Variants in PCDHGB3 observed in about 807,000 individuals in gnomAD.
PCDHGB3 encodes protocadherin gamma subfamily B, 3, also known as protocadherin gamma-B3.
Under a neutral mutation model 59.2 loss-of-function variants are expected in PCDHGB3, and 40 were observed. The observed-to-expected ratio is 0.68, with a 90% CI of 0.52 to 0.88. The LOEUF is 0.88. Ranked by LOEUF, PCDHGB3 falls within the 40% of genes least tolerant of loss-of-function variation. The pLI is 0.00. For missense variants in PCDHGB3, 1,309 were observed against 1,187.9 expected, an observed-to-expected ratio of 1.10 and a Z score of -1.50; for synonymous variants, 581 against 503.6, an observed-to-expected ratio of 1.15 and a Z score of -2.06.
chr5:141,465,689 C>A (rs2099107540), intron 1 of PCDHGB3, among the ~76,000 whole-genome samples: 1 of 152,162 alleles, frequency 6.6e-6, no homozygotes, highest in African/African-American at 2.4e-5. Context: ...GACCAGTCTG[C>A]TTTTGCATTG....
At chr5:141,510,062 G>GA (rs1448334820) in intron 3 of PCDHGB3, among the ~76,000 whole-genome samples, 1 of 152,150 alleles carries the variant, frequency 6.6e-6, no homozygotes. Flanking sequence ...TTGTGCATGT[G>GA]AAGCATCCAG....
At chr5:141,381,826 CTT>C (rs770630741) in intron 1 of PCDHGB3, among the ~76,000 whole-genome samples, 2,382 of 74,222 alleles carry the variant, frequency 0.032, 21 homozygotes, top group African/African-American at 0.07. Context: ...CTTTCTTCTT[CTT>C]TTTTTTTTTT....
chr5:141,410,435 G>C (rs772158163), intron 1 of PCDHGB3: 5 of 1,614,054 alleles, frequency 3.1e-6, no homozygotes, highest in Non-Finnish European at 4.2e-6. Flanking sequence ...CAACTACAGT[G>C]AGGGGACTTT....
rs558609501 is a variant in PCDHGB3, at chr5:141,487,648, G to C, written c.2416-7159G>C. On this transcript the variant is annotated intron_variant, in intron 1 of 3. Coordinates refer to ENST00000576222, the MANE Select transcript of PCDHGB3 (RefSeq NM_018924.5). This position sits in a 1 kb window ranked among gnomAD's most constrained non-coding sequence, Gnocchi z 5.0. ...CTTTGCAGGCTCAACAAATGCTTGA[G>C]GGTTATTCTGATCCAGGCATATGGC... is the stretch of plus-strand genomic sequence containing the variant. 34 of 1,613,904 alleles carry C rather than the reference G, an allele frequency of 2.1e-5. 1 individual carries two copies. The South Asian group carries it at 3.6e-4, about 17-fold the overall frequency.
rs558074504 is a variant in PCDHGB3, at chr5:141,489,065, C to G, written c.2416-5742C>G. On this transcript the variant is annotated intron_variant, in intron 1 of 3. Coordinates refer to ENST00000576222, the MANE Select transcript of PCDHGB3 (RefSeq NM_018924.5). This position sits in a 1 kb window ranked among gnomAD's most constrained non-coding sequence, Gnocchi z 4.5. ...CCACTCAAATTCAGCTCCCCTCCCC[C>G]CTGCCCACCCCCGCCACTCGGTGAC... is the stretch of plus-strand genomic sequence containing the variant. The G allele has an allele frequency of 1.5e-4, 57 of 389,046 alleles. No homozygotes were observed. Among genetic ancestry groups the G allele is most frequent in the African/African-American group, 8.5e-4 (40 of 47,278 alleles). 24.1% of individuals were successfully genotyped at this position (389,046 alleles called of 1,614,324 possible).
intron 1 of PCDHGB3, chr5:141,409,995 CG>C: frequency 1.2e-6 from 2 of 1,613,308 alleles, no homozygotes; most frequent in Non-Finnish European, 1.7e-6. Context: ...GACGCCGACT[CG>C]GGACACAACG....
intron 1 of PCDHGB3, among the ~76,000 whole-genome samples, chr5:141,459,376 G>A (rs72790056): frequency 0.022 from 3,347 of 152,266 alleles, 53 homozygotes; most frequent in South Asian, 0.04. Flanking sequence ...TATCAGCAGC[G>A]TGTTCCATTT....
intron 1 of PCDHGB3, among the ~76,000 whole-genome samples, chr5:141,447,747 C>A (rs1164160677): frequency 2.0e-5 from 3 of 152,106 alleles, no homozygotes; most frequent in Non-Finnish European, 4.4e-5. Flanking sequence ...AAGAGTCTTG[C>A]ATGTGACTGT....
intron 1 of PCDHGB3, among the ~76,000 whole-genome samples, chr5:141,484,740 GA>G (rs1047805396): frequency 6.6e-6 from 1 of 150,760 alleles, no homozygotes; most frequent in Non-Finnish European, 1.5e-5. Context: ...GGTGTGTTAG[GA>G]AAAAAAATGT....
chr5:141,439,013 A>T lies in PCDHGB3; in HGVS notation c.2416-55794A>T, dbSNP rs2098082221. 1.3e-5 allele frequency among the ~76,000 whole-genome samples: 2 copies of T among 151,700 alleles called. 1 individual carries two copies. The highest frequency in any genetic ancestry group is 1.3e-4 in the Admixed American group (2 of 15,214). On this transcript the variant is annotated intron_variant, in intron 1 of 3. Transcript: ENST00000576222. ...GGCTAAGGACCTGGTTTGTTTGTCA[A>T]ATTTTGAAAATAGATGCCTCAGTTC...
intron 1 of PCDHGB3, chr5:141,374,470 T>C (rs1171171112): frequency 6.2e-7 from 1 of 1,612,516 alleles, no homozygotes; most frequent in Admixed American, 1.7e-5. Context: ...TTAATGACAA[T>C]ACACCCCGAT....
At chr5:141,403,928 G>A in intron 1 of PCDHGB3, 1 of 1,613,876 alleles carries the variant, frequency 6.2e-7, no homozygotes, top group Non-Finnish European at 8.5e-7. Flanking sequence ...AGATGGTGGG[G>A]GATTGAAAGG....
At chr5:141,510,862 C>T (rs764422869) in intron 3 of PCDHGB3, 85 bp from the exon 4 acceptor site, 22 of 1,606,772 alleles carry the variant, frequency 1.4e-5, no homozygotes, top group Non-Finnish European at 1.7e-5. Flanking sequence ...GCTGTATAGG[C>T]ATTCATTAAC....
At chr5:141,430,877 G>T in intron 1 of PCDHGB3, 1 of 1,600,796 alleles carries the variant, frequency 6.2e-7, no homozygotes. Flanking sequence ...GGAAGAGCTG[G>T]AGAAAGGCTC....
intron 1 of PCDHGB3, among the ~76,000 whole-genome samples, chr5:141,469,311 T>C (rs970450899): frequency 3.3e-5 from 5 of 152,040 alleles, no homozygotes; most frequent in Admixed American, 3.3e-4. Context: ...GCACGATGGC[T>C]CACGCCTGTA....
At chr5:141,481,739 G>A (rs1034725934) in intron 1 of PCDHGB3, among the ~76,000 whole-genome samples, 1 of 152,082 alleles carries the variant, frequency 6.6e-6, no homozygotes, top group Non-Finnish European at 1.5e-5. Flanking sequence ...GGATCACGAG[G>A]TCAGGAGTCC....
intron 1 of PCDHGB3, among the ~76,000 whole-genome samples, chr5:141,459,759 G>A (rs1164466104): frequency 7.2e-5 from 11 of 152,206 alleles, no homozygotes; most frequent in Non-Finnish European, 2.9e-5. Context: ...TCTAGTGGGT[G>A]TGTGATACTA....
chr5:141,470,452 G>A (rs981528762), intron 1 of PCDHGB3, among the ~76,000 whole-genome samples: 1 of 152,130 alleles, frequency 6.6e-6, no homozygotes, highest in Admixed American at 6.5e-5. Flanking sequence ...ATAGCATCTT[G>A]AATAGGATTT....
At chr5:141,414,945 C>G in intron 1 of PCDHGB3, 2 of 1,614,098 alleles carry the variant, frequency 1.2e-6, no homozygotes, top group Non-Finnish European at 8.5e-7. Flanking sequence ...AGCCCGGCTA[C>G]CTGGTGACCA....
Sources: gnomAD v4.1 joint callset for allele counts (sites outside exome capture counted in the v4.1 genomes callset) on GRCh38, gnomAD v4.1.1 for gene constraint, Gnocchi (gnomAD v3.1) non-coding constraint, MANE v1.5 for transcripts, NCBI Gene and HGNC (gene_info 2026-07-23, HGNC 2026-07-21) for gene names.